Variants in GFRA1 observed in about 807,000 individuals in gnomAD.
GFRA1 encodes GDNF family receptor alpha 1, also known as GDNF family receptor alpha-1.
A neutral mutation model predicts 51.6 loss-of-function variants in GFRA1; 16 were observed. The observed-to-expected ratio is 0.31, with a 90% CI of 0.21 to 0.47. GFRA1 has a LOEUF of 0.47. Ranked by LOEUF, GFRA1 falls within the 20% of genes least tolerant of loss-of-function variation. GFRA1 has a pLI of 1.00. For synonymous variants in GFRA1, 270 were observed against 241.3 expected, an observed-to-expected ratio of 1.12 and a Z score of -1.10; for missense variants, 530 against 594.3, an observed-to-expected ratio of 0.89 and a Z score of 1.13.
chr10:116,134,259 G>T (rs1221404875), intron 5 of GFRA1, among the ~76,000 whole-genome samples: 1 of 152,130 alleles, frequency 6.6e-6, no homozygotes, highest in African/African-American at 2.4e-5. Context: ...TTCACAACTT[G>T]TTTCCTCTTT....
At chr10:116,197,182 G>A (rs939929755) in intron 5 of GFRA1, among the ~76,000 whole-genome samples, 3 of 152,086 alleles carry the variant, frequency 2.0e-5, no homozygotes, top group African/African-American at 7.2e-5. Context: ...AGTATTAGGA[G>A]GTGGGGGCTT....
intron 5 of GFRA1, among the ~76,000 whole-genome samples, chr10:116,152,518 G>T (rs1959103223): frequency 6.6e-6 from 1 of 152,162 alleles, no homozygotes; most frequent in Non-Finnish European, 1.5e-5. Context: ...TAAGCAACCA[G>T]ATTTCATGTG....
chr10:116,264,403 C>T (rs1014547798), intron 4 of GFRA1, among the ~76,000 whole-genome samples: 2 of 14,354 alleles, frequency 1.4e-4, no homozygotes, highest in Non-Finnish European at 2.8e-4. Context: ...AGAATGCCGG[C>T]TCAGGATCAA....
chr10:116,202,312 T>C (rs12260040), intron 5 of GFRA1, among the ~76,000 whole-genome samples: 10,496 of 152,140 alleles, frequency 0.069, 1,157 homozygotes, highest in African/African-American at 0.24. Flanking sequence ...TGGGCTGAGT[T>C]TTGAAGAATA....
intron 5 of GFRA1, among the ~76,000 whole-genome samples, chr10:116,186,849 T>C (rs1053691386): frequency 1.6e-4 from 24 of 152,172 alleles, no homozygotes; most frequent in African/African-American, 5.3e-4. Context: ...CTGCAATTCA[T>C]ACCCCGGCCC....
At chr10:116,146,412 A>G (rs1171275569) in intron 5 of GFRA1, among the ~76,000 whole-genome samples, 2 of 152,254 alleles carry the variant, frequency 1.3e-5, no homozygotes, top group Non-Finnish European at 1.5e-5. Context: ...ATAATTTGAC[A>G]TGTTTAATGA....
intron 9 of GFRA1, among the ~76,000 whole-genome samples, chr10:116,080,683 T>G (rs1955811554): frequency 6.6e-6 from 1 of 152,136 alleles, no homozygotes; most frequent in South Asian, 2.1e-4. Context: ...CATGAATTCT[T>G]TGGATCACAC....
intron 5 of GFRA1, among the ~76,000 whole-genome samples, chr10:116,175,354 C>T (rs1961482569): frequency 6.6e-6 from 1 of 152,160 alleles, no homozygotes; most frequent in Admixed American, 6.5e-5. Context: ...AACTACGTCC[C>T]AGCTCCAAGA....
intron 6 of GFRA1, among the ~76,000 whole-genome samples, chr10:116,106,935 C>T (rs1353701673): frequency 6.6e-6 from 1 of 152,158 alleles, no homozygotes; most frequent in African/African-American, 2.4e-5. Flanking sequence ...CTCTCTTGCT[C>T]TGGCTCTTGC....
At chr10:116,145,277 T>C (rs4237495) in intron 5 of GFRA1, among the ~76,000 whole-genome samples, 146,138 of 151,902 alleles carry the variant, frequency 0.96, 70,343 homozygotes, top group East Asian at 1. Context: ...GACAAAATAA[T>C]GATTTCCAGA....
At chr10:116,188,720 A>G (rs1263592501) in intron 5 of GFRA1, among the ~76,000 whole-genome samples, 1 of 151,990 alleles carries the variant, frequency 6.6e-6, no homozygotes, top group Non-Finnish European at 1.5e-5. Flanking sequence ...CTTGGCCAAC[A>G]TGGTGAAACC....
At chr10:116,197,093 T>C (rs1963944006) in intron 5 of GFRA1, among the ~76,000 whole-genome samples, 1 of 151,944 alleles carries the variant, frequency 6.6e-6, no homozygotes, top group African/African-American at 2.4e-5. Context: ...TGATTTCCTC[T>C]CAAGATCCTT....
intron 5 of GFRA1, among the ~76,000 whole-genome samples, chr10:116,209,456 C>T (rs1258299932): frequency 1.3e-5 from 2 of 151,982 alleles, no homozygotes; most frequent in Admixed American, 1.3e-4. Context: ...GGTGTTCCCC[C>T]AACTGCCCAT....
At chr10:116,167,638 C>T (rs1361911289) in intron 5 of GFRA1, among the ~76,000 whole-genome samples, 2 of 151,944 alleles carry the variant, frequency 1.3e-5, no homozygotes, top group African/African-American at 4.8e-5. Flanking sequence ...AAGACCAAAG[C>T]TCTCAGTTTT....
chr10:116,178,669 C>G (rs576666244), intron 5 of GFRA1, among the ~76,000 whole-genome samples: 9 of 152,216 alleles, frequency 5.9e-5, no homozygotes, highest in Non-Finnish European at 1.2e-4. Flanking sequence ...GGGTCACCCA[C>G]GGTGTGTGTC....
chr10:116,169,438 T>C (rs1589841082), intron 5 of GFRA1, among the ~76,000 whole-genome samples: 1 of 152,342 alleles, frequency 6.6e-6, no homozygotes, highest in Admixed American at 6.5e-5. Flanking sequence ...ATCCCTGTTT[T>C]CCCGCCCGAA....
intron 5 of GFRA1, among the ~76,000 whole-genome samples, chr10:116,193,218 T>C (rs1011613058): frequency 6.6e-6 from 1 of 152,150 alleles, no homozygotes; most frequent in African/African-American, 2.4e-5. Context: ...ATAACAGCCA[T>C]TTCTGCAAAC....
At chr10:116,248,958 G>T (rs1221007553) in intron 4 of GFRA1, among the ~76,000 whole-genome samples, 2 of 152,040 alleles carry the variant, frequency 1.3e-5, no homozygotes, top group Non-Finnish European at 2.9e-5. Flanking sequence ...CAGCTCCAGG[G>T]CTGCCACATG....
intron 5 of GFRA1, among the ~76,000 whole-genome samples, chr10:116,157,067 A>C (rs1959223641): frequency 6.6e-6 from 1 of 152,226 alleles, no homozygotes; most frequent in South Asian, 2.1e-4. Context: ...TCCCAGATAC[A>C]AGGAATAAGG....
Sources: gnomAD v4.1 joint callset for allele counts (sites outside exome capture counted in the v4.1 genomes callset) on GRCh38, gnomAD v4.1.1 for gene constraint, MANE v1.5 for transcripts, NCBI Gene and HGNC (gene_info 2026-07-23, HGNC 2026-07-21) for gene names.